Variants in PDE8A observed in about 807,000 individuals in gnomAD.
PDE8A encodes the protein phosphodiesterase 8A, also known as high affinity cAMP-specific and IBMX-insensitive 3',5'-cyclic phosphodiesterase 8A.
In PDE8A, 59 loss-of-function variants were observed where a neutral mutation model predicts 105.0. The ratio of observed to expected loss-of-function variants is 0.56; its 90% CI spans 0.46 to 0.70. PDE8A has a LOEUF of 0.70. Among genes scored for constraint, PDE8A ranks in the 30% least tolerant of loss-of-function variants. The probability of loss-of-function intolerance (pLI) is 0.00; values close to 1 mark genes in which losing one functional copy is unlikely to be tolerated. For missense variants in PDE8A, 1,014 were observed against 1,045.9 expected, an observed-to-expected ratio of 0.97 and a Z score of 0.42; for synonymous variants, 355 against 371.9, an observed-to-expected ratio of 0.95 and a Z score of 0.52.
rs538068620 is a variant in PDE8A, at chr15:84,993,035, T to G, written c.186+10687T>G. ...GTCACAGGAAAGCGAATTTAGGGAG[T>G]TTTTAAAAAACCTTTCTTGTCTTTT... On this transcript the variant is annotated intron_variant, in intron 1 of 21. Transcript: ENST00000394553. 1.2e-4 allele frequency among the ~76,000 whole-genome samples: 18 copies of G among 151,528 alleles called. No individual in the cohort carries two copies. The South Asian group carries it at 3.8e-3, about 32-fold the overall frequency.
intron 2 of PDE8A, 77 bp from the exon 3 acceptor site, chr15:85,066,937 T>A: frequency 8.7e-7 from 1 of 1,145,472 alleles, no homozygotes; most frequent in Non-Finnish European, 1.3e-6. Flanking sequence ...AGACTCTGTC[T>A]CAAGAAAAAA....
chr15:85,006,884 G>C (rs1380868917), intron 1 of PDE8A, among the ~76,000 whole-genome samples: 2 of 152,126 alleles, frequency 1.3e-5, no homozygotes, highest in Admixed American at 1.3e-4. Context: ...GGAATATTTG[G>C]AATTTGGACT....
intron 1 of PDE8A, among the ~76,000 whole-genome samples, chr15:85,061,520 G>T (rs903176327): frequency 3.3e-5 from 5 of 152,086 alleles, no homozygotes; most frequent in African/African-American, 1.2e-4. Context: ...GATTACAGGC[G>T]TGAGCCACCA....
At chr15:85,088,227 G>A (rs772624311) in intron 6 of PDE8A, among the ~76,000 whole-genome samples, 3 of 152,246 alleles carry the variant, frequency 2.0e-5, no homozygotes, top group Admixed American at 6.5e-5. Flanking sequence ...GTTTCACCAC[G>A]TTGGCCAGGC....
intron 1 of PDE8A, among the ~76,000 whole-genome samples, chr15:85,000,387 C>G (rs1285348200): frequency 6.6e-6 from 1 of 152,180 alleles, no homozygotes; most frequent in Non-Finnish European, 1.5e-5. Context: ...GTGCCAAAAG[C>G]TGTGTTTGTC....
In PDE8A at chr15:85,113,880, ATAT is replaced by A; in HGVS notation, c.1197_1199del (p.Ile400del). 1 of 1,610,110 alleles carries A rather than the reference ATAT, an allele frequency of 6.2e-7. No individual in the cohort carries two copies. The highest frequency in any genetic ancestry group is 8.5e-7 in the Non-Finnish European group (1 of 1,177,876). ...TTTCTTTCCATAATGTAGGTAATCA[ATAT>A]TATCAATGCTGCCCAGGAAAGTAGT... On this transcript the variant is annotated inframe_deletion, in exon 14 of 22. Transcript: ENST00000394553.
intron 1 of PDE8A, among the ~76,000 whole-genome samples, chr15:85,047,169 T>C (rs1033289966): frequency 2.0e-5 from 3 of 152,204 alleles, no homozygotes; most frequent in Non-Finnish European, 2.9e-5. Flanking sequence ...GATTATTCCC[T>C]TGTAAATATT....
intron 1 of PDE8A, among the ~76,000 whole-genome samples, chr15:85,009,110 A>AGAGT (rs1246239884): frequency 1.8e-3 from 116 of 64,198 alleles, no homozygotes; most frequent in African/African-American, 5.0e-3. Flanking sequence ...AGAGAGAGAG[A>AGAGT]GTGTGTGTGT....
chr15:85,103,690 G>A (rs1398523821), intron 11 of PDE8A, among the ~76,000 whole-genome samples: 1 of 152,228 alleles, frequency 6.6e-6, no homozygotes, highest in Non-Finnish European at 1.5e-5. Context: ...CTGAGCAATT[G>A]TCCCCACTGC....
At chr15:85,084,060 T>TG (rs1259965694) in intron 6 of PDE8A, among the ~76,000 whole-genome samples, 1 of 151,984 alleles carries the variant, frequency 6.6e-6, no homozygotes, top group Non-Finnish European at 1.5e-5. Flanking sequence ...TTTTTTGGTT[T>TG]TTTTTTTTAA....
intron 1 of PDE8A, among the ~76,000 whole-genome samples, chr15:84,994,968 A>T (rs1212743811): frequency 6.6e-6 from 1 of 152,068 alleles, no homozygotes; most frequent in Non-Finnish European, 1.5e-5. Flanking sequence ...GTCTCAAAAA[A>T]AAAAAAGAGA....
chr15:85,090,315 C>G (rs28715864), intron 7 of PDE8A, among the ~76,000 whole-genome samples: 5,552 of 152,212 alleles, frequency 0.036, 316 homozygotes, highest in African/African-American at 0.12. Flanking sequence ...GTCATGAGGA[C>G]TAAATGAATT....
At chr15:85,076,968 C>T (rs2081389188) in intron 5 of PDE8A, among the ~76,000 whole-genome samples, 181 bp downstream of exon 5, 1 of 151,944 alleles carries the variant, frequency 6.6e-6, no homozygotes, top group Non-Finnish European at 1.5e-5. Context: ...ACCCCTTGGG[C>T]CCAGGAGTTC....
intron 1 of PDE8A, among the ~76,000 whole-genome samples, chr15:85,058,154 C>A (rs1037001081): frequency 2.6e-5 from 4 of 152,192 alleles, no homozygotes; most frequent in Non-Finnish European, 5.9e-5. Flanking sequence ...AGTCTTGTCT[C>A]ACTGCAGCCT....
chr15:84,984,431 T>C (rs2079769113), intron 1 of PDE8A, among the ~76,000 whole-genome samples: 1 of 152,232 alleles, frequency 6.6e-6, no homozygotes, highest in African/African-American at 2.4e-5. Context: ...GCTAGCAATT[T>C]AGCAAAATTA....
In PDE8A at chr15:85,113,388, A is replaced by G; in HGVS notation, c.1126A>G (p.Arg376Gly). ...ASRATEVSSQRRHSSMARIHS... is the reference protein window; with the variant it reads ...ASRATEVSSQGRHSSMARIHS... The stretch of plus-strand genomic sequence containing the variant: ...CCCTTTCTCCACAGTTTCCAGCCAG[A>G]GACGACACTCTTCCATGGCCCGGAT... Residue 376 changes from arginine to glycine, a missense_variant, in exon 13 of 22, where the codon AGA (arginine) becomes GGA (glycine). Coordinates refer to ENST00000394553, the MANE Select transcript of PDE8A (RefSeq NM_002605.3). 1 of 1,614,058 alleles carries G rather than the reference A, an allele frequency of 6.2e-7. No homozygotes were observed. Among genetic ancestry groups the G allele is most frequent in the Non-Finnish European group, 8.5e-7 (1 of 1,179,944 alleles).
intron 1 of PDE8A, among the ~76,000 whole-genome samples, chr15:85,000,948 A>AG (rs1318551010): frequency 2.6e-5 from 4 of 152,164 alleles, no homozygotes; most frequent in African/African-American, 9.7e-5. Context: ...GCAGAGGTCT[A>AG]GGAGATCTCT....
At chr15:85,048,899 G>A (rs544691716) in intron 1 of PDE8A, among the ~76,000 whole-genome samples, 1 of 152,268 alleles carries the variant, frequency 6.6e-6, no homozygotes, top group East Asian at 1.9e-4. Context: ...TCAGGAGTTC[G>A]AGACCACCCT....
rs1209856473 is a variant in PDE8A at position 85,116,359 on chromosome 15, C to T, written c.1535+240C>T. On this transcript the variant is annotated intron_variant, in intron 16 of 21. Coordinates refer to ENST00000394553, the MANE Select transcript of PDE8A (RefSeq NM_002605.3). ...CTGAGCCAGTGACTTCTCCAAGTAG[C>T]ACAGGACTTTTTTCTGTGAAATAAA... The T allele has an allele frequency of 3.4e-5, 17 of 498,346 alleles. No individual in the cohort carries two copies. In the Admixed American group the frequency reaches 4.7e-4, roughly 14 times the overall value. The allele number at this position is 498,346 out of a possible 1,614,324, so 30.9% of individuals were successfully genotyped here. A position where few individuals can be genotyped will look rare whatever the true frequency, so the allele number is the denominator to read the frequency against.
Sources: gnomAD v4.1 joint callset for allele counts (sites outside exome capture counted in the v4.1 genomes callset) on GRCh38, gnomAD v4.1.1 for gene constraint, MANE v1.5 for transcripts, NCBI Gene and HGNC (gene_info 2026-07-23, HGNC 2026-07-21) for gene names.